Variants in RBL2 observed in about 807,000 individuals in gnomAD.
RBL2 encodes retinoblastoma-like protein 2.
Under a neutral mutation model 126.0 loss-of-function variants are expected in RBL2, and 56 were observed. The ratio of observed to expected loss-of-function variants is 0.44; its 90% CI spans 0.36 to 0.56. RBL2 has a LOEUF of 0.56. Among genes scored for constraint, RBL2 ranks in the 20% least tolerant of loss-of-function variants. RBL2 has a pLI of 0.00. For missense variants in RBL2, 1,229 were observed against 1,398.2 expected, an observed-to-expected ratio of 0.88 and a Z score of 1.93; for synonymous variants, 454 against 478.5, an observed-to-expected ratio of 0.95 and a Z score of 0.67.
chr16:53,483,429 A>G (rs539125465), intron 21 of RBL2, among the ~76,000 whole-genome samples: 1 of 152,264 alleles, frequency 6.6e-6, no homozygotes, highest in East Asian at 1.9e-4. Flanking sequence ...GGTGCCATGC[A>G]CCTGTAGTTG....
At chr16:53,482,137 T>G (rs897874171) in intron 21 of RBL2, among the ~76,000 whole-genome samples, 1 of 152,242 alleles carries the variant, frequency 6.6e-6, no homozygotes, top group African/African-American at 2.4e-5. Flanking sequence ...GTAACAATTT[T>G]CCACATTTGT....
intron 21 of RBL2, chr16:53,487,645 C>T (rs891718206): frequency 6.6e-6 from 1 of 152,118 alleles, no homozygotes; most frequent in Non-Finnish European, 1.5e-5. Context: ...TTATATACAA[C>T]ATCAAAAGCA....
intron 1 of RBL2, 63 bp from the exon 2 acceptor site, chr16:53,438,953 A>C (rs2072130427): frequency 1.7e-6 from 2 of 1,173,804 alleles, no homozygotes; most frequent in South Asian, 2.0e-5. Flanking sequence ...ACATACTTTT[A>C]AAAATATTGA....
At chr16:53,446,029 A>C (rs1205196989) in intron 3 of RBL2, 1 of 152,210 alleles carries the variant, frequency 6.6e-6, no homozygotes. Context: ...TGTAGAGGAA[A>C]CAAGAAAAGA....
chr16:53,439,946 C>A (rs1333578643), intron 2 of RBL2, among the ~76,000 whole-genome samples: 6 of 120,672 alleles, frequency 5.0e-5, no homozygotes, highest in Non-Finnish European at 6.5e-5. Context: ...AGAGCAAGAC[C>A]TTGTCTCCAA....
chr16:53,467,830 G>C (rs1020212473), intron 14 of RBL2, among the ~76,000 whole-genome samples: 2 of 152,176 alleles, frequency 1.3e-5, no homozygotes, highest in Non-Finnish European at 2.9e-5. Context: ...AAATTTTTAA[G>C]GCAAATACAT....
chr16:53,471,047 T>A (rs901085015), intron 17 of RBL2, 125 bp downstream of exon 17: 1 of 968,890 alleles, frequency 1.0e-6, no homozygotes, highest in Non-Finnish European at 1.5e-6. Context: ...CACAACTAAA[T>A]GGGTCTTAGT....
chr16:53,481,615 G>A, intron 20 of RBL2, 56 bp from the exon 21 acceptor site: 1 of 1,384,916 alleles, frequency 7.2e-7, no homozygotes, highest in Non-Finnish European at 9.7e-7. Flanking sequence ...ATCATTTTCA[G>A]TAAAAATAAT....
In RBL2 at chr16:53,469,913, T is replaced by C. The variant is rs1429470301; in HGVS notation, c.1976-3T>C. 4.5e-6 allele frequency: 7 copies of C among 1,549,082 alleles called. No individual in the cohort carries two copies. The highest frequency in any genetic ancestry group is 6.1e-6 in the Non-Finnish European group (7 of 1,143,062). On this transcript the variant is annotated splice_region_variant and splice_polypyrimidine_tract_variant and intron_variant, in intron 14 of 21. Transcript: ENST00000262133. Reference sequence around the variant, plus strand: ...TGCTTTGTTTGATTTGTTTTGACCCTAGGCATAACATCTCCAACCACATTA... The same window carrying C: ...TGCTTTGTTTGATTTGTTTTGACCCCAGGCATAACATCTCCAACCACATTA...
chr16:53,465,220 A>C (rs941833169), intron 12 of RBL2, among the ~76,000 whole-genome samples: 6 of 152,234 alleles, frequency 3.9e-5, no homozygotes, highest in African/African-American at 7.2e-5. Context: ...ACCTCAATGT[A>C]CAAAACATGT....
At chr16:53,456,051 C>T (rs2058164069) in intron 8 of RBL2, among the ~76,000 whole-genome samples, 1 of 152,072 alleles carries the variant, frequency 6.6e-6, no homozygotes, top group East Asian at 1.9e-4. Context: ...TTGTGTCCAC[C>T]TGTGGGCCCA....
chr16:53,436,641 G>C (rs1348432779), intron 1 of RBL2, among the ~76,000 whole-genome samples: 2 of 152,144 alleles, frequency 1.3e-5, no homozygotes, highest in Admixed American at 6.5e-5. Context: ...GTTTAATACA[G>C]AATACTGGTT....
chr16:53,441,868 T>C (rs2058019535), intron 2 of RBL2, among the ~76,000 whole-genome samples: 1 of 152,150 alleles, frequency 6.6e-6, no homozygotes, highest in Non-Finnish European at 1.5e-5. Context: ...GTCGCCAGGC[T>C]GGAGTGCAGT....
chr16:53,452,254 CT>C (rs2058123009), intron 5 of RBL2, among the ~76,000 whole-genome samples: 1 of 152,004 alleles, frequency 6.6e-6, no homozygotes, highest in African/African-American at 2.4e-5. Flanking sequence ...AGAAAATGAA[CT>C]TTCATCTTTT....
intron 17 of RBL2, among the ~76,000 whole-genome samples, chr16:53,477,982 T>C (rs570561397): frequency 6.6e-6 from 1 of 152,346 alleles, no homozygotes; most frequent in African/African-American, 2.4e-5. Flanking sequence ...AGGGGTTTGC[T>C]AGCACCAAAT....
chr16:53,466,477 G>A (rs765734011), intron 13 of RBL2, among the ~76,000 whole-genome samples: 7 of 151,778 alleles, frequency 4.6e-5, no homozygotes, highest in Non-Finnish European at 4.4e-5. Flanking sequence ...GTCAGTGGGA[G>A]CCCTGAGCTT....
intron 14 of RBL2, among the ~76,000 whole-genome samples, chr16:53,469,262 A>C (rs1346992489): frequency 6.6e-6 from 1 of 152,196 alleles, no homozygotes; most frequent in East Asian, 1.9e-4. Context: ...AATTTGCCCC[A>C]AACCATTGAA....
chr16:53,489,105 G>A (rs1961291754), intron 21 of RBL2: 1 of 150,516 alleles, frequency 6.6e-6, no homozygotes, highest in South Asian at 2.1e-4. Context: ...TACATCTGTT[G>A]ATAATAAAGA....
At position 53,477,114 on chromosome 16, in the gene RBL2, T is replaced by G. The variant is rs1960753715; in HGVS notation, c.2704-2040T>G. ...TGCCCTAGGGCTTACCATATATCTCTTATCAAAAATCAGCTTCAGATTATA... is the reference window on the plus strand; with the variant it reads ...TGCCCTAGGGCTTACCATATATCTCGTATCAAAAATCAGCTTCAGATTATA... On this transcript the variant is annotated intron_variant, in intron 17 of 21. Coordinates refer to ENST00000262133, the MANE Select transcript of RBL2 (RefSeq NM_005611.4). Among the ~76,000 whole-genome samples the G allele has an allele frequency of 2.0e-5, 3 of 152,092 alleles. No individual in the cohort carries two copies. In the South Asian group the frequency reaches 6.2e-4, roughly 32 times the overall value.
Sources: gnomAD v4.1 joint callset for allele counts (sites outside exome capture counted in the v4.1 genomes callset) on GRCh38, gnomAD v4.1.1 for gene constraint, MANE v1.5 for transcripts, NCBI Gene and HGNC (gene_info 2026-07-23, HGNC 2026-07-21) for gene names.